Variants in BORCS8 observed in about 807,000 individuals in gnomAD.
The protein encoded by BORCS8 is BLOC-1 related complex subunit 8, also known as BLOC-1-related complex subunit 8.
A neutral mutation model predicts 18.7 loss-of-function variants in BORCS8; 13 were observed. The observed-to-expected ratio is 0.70, with a 90% confidence interval of 0.45 to 1.11. The LOEUF is 1.11. Ranked by LOEUF, BORCS8 falls within the 50% of genes least tolerant of loss-of-function variation. BORCS8 has a pLI of 0.00. For synonymous variants in BORCS8, 68 were observed against 64.8 expected, an observed-to-expected ratio of 1.05 and a Z score of -0.24; for missense variants, 165 against 165.7, an observed-to-expected ratio of 1.00 and a Z score of 0.02.
chr19:19,184,142 A>G lies in BORCS8; in HGVS notation c.216-1459T>C, dbSNP rs377516905. ...GTGATCTGCCCACCTCGGCCTCCCA[A>G]AGTGCTGGGATTACTGGCGTGAGTC... is the stretch of plus-strand genomic sequence containing the variant. On this transcript the variant is annotated intron_variant, in intron 3 of 5. Transcript: ENST00000462790. Among the ~76,000 whole-genome samples, 45 of 151,946 alleles carry G rather than the reference A, an allele frequency of 3.0e-4. No individual in the cohort carries two copies. In the South Asian group the frequency reaches 9.4e-3, roughly 32 times the overall value.
chr19:19,181,820 CA>C (rs1156721620), intron 4 of BORCS8: 2 of 980,294 alleles, frequency 2.0e-6, no homozygotes, highest in African/African-American at 3.5e-5. Flanking sequence ...GCCAGAACCC[CA>C]ATCTGTGGGA....
rs1241817346 is a variant in BORCS8 at position 19,177,689 on chromosome 19, GAAGGAAGAGAAAAGA to G, written c.*43-244_*43-230del. On this transcript the variant is annotated intron_variant, in intron 5 of 5. Coordinates refer to ENST00000462790, the MANE Select transcript of BORCS8 (RefSeq NM_001145784.2). Reference sequence around the variant, plus strand: ...GGAAGGAAGGAAGGAAGGAAGGAAGGAAGGAAGAGAAAAGAAAAGAAAAGAAAAGAAAAGAAAAGA... The same window carrying G: ...GGAAGGAAGGAAGGAAGGAAGGAAGGAAAGAAAAGAAAAGAAAAGAAAAGA... 97 of 57,270 alleles carry G rather than the reference GAAGGAAGAGAAAAGA, an allele frequency of 1.7e-3. 1 individual carries two copies. Among genetic ancestry groups the G allele is most frequent in the Non-Finnish European group, 2.0e-3 (56 of 28,638 alleles). 3.5% of individuals were successfully genotyped at this position (57,270 alleles called of 1,614,324 possible). A position where few individuals can be genotyped will look rare whatever the true frequency, so the allele number is the denominator to read the frequency against.
intron 5 of BORCS8, 107 bp downstream of exon 5, chr19:19,180,579 G>A: frequency 2.5e-6 from 2 of 792,650 alleles, no homozygotes; most frequent in Admixed American, 2.1e-5. Flanking sequence ...CAAGCCCAGT[G>A]AGAAACCCCA....
intron 1 of BORCS8, among the ~76,000 whole-genome samples, chr19:19,189,596 G>A (rs1444484862): frequency 4.6e-5 from 7 of 152,204 alleles, no homozygotes; most frequent in East Asian, 3.9e-4. Context: ...CTCACTGCCC[G>A]AGAGGACAAG....
chr19:19,183,877 G>A (rs890246888), intron 3 of BORCS8, among the ~76,000 whole-genome samples: 1 of 148,914 alleles, frequency 6.7e-6, no homozygotes, highest in African/African-American at 2.5e-5. Flanking sequence ...GCCTCATTTT[G>A]TAATTTTTTT....
Position 19,182,385 on chromosome 19 carries a change from C to T in BORCS8, c.326+188G>A. 1 of 1,391,362 alleles carries T rather than the reference C, an allele frequency of 7.2e-7. No homozygotes were observed. The highest frequency in any genetic ancestry group is 1.5e-5 in the South Asian group (1 of 65,618). 86.2% of individuals were successfully genotyped at this position (1,391,362 alleles called of 1,614,324 possible). A position where few individuals can be genotyped will look rare whatever the true frequency, so the allele number is the denominator to read the frequency against. ...CCAGGGCCAGGCACACAGCAGAGCG[C>T]AGGACCTCGGTATTAAGTGACTGAA... On this transcript the variant is annotated intron_variant, in intron 4 of 5. Transcript: ENST00000462790. The surrounding 1 kb of genome is among the most constrained non-coding windows in gnomAD (Gnocchi z 4.1).
rs556935745 is a variant in BORCS8, at chr19:19,182,771, G to C, written c.216-88C>G. ...GCACTTGAGGTCACCACCAGGGCTCGGTGGGTACCTCAGTGATTCTGCGGG... is the reference window on the plus strand; with the variant it reads ...GCACTTGAGGTCACCACCAGGGCTCCGTGGGTACCTCAGTGATTCTGCGGG... On this transcript the variant is annotated intron_variant, in intron 3 of 5. Coordinates refer to ENST00000462790, the MANE Select transcript of BORCS8 (RefSeq NM_001145784.2). The surrounding 1 kb of genome is among the most constrained non-coding windows in gnomAD (Gnocchi z 4.1). 6.9e-7 allele frequency: 1 copy of C among 1,443,370 alleles called. No homozygotes were observed. Among genetic ancestry groups the C allele is most frequent in the Non-Finnish European group, 9.2e-7 (1 of 1,091,118 alleles). The allele number at this position is 1,443,370 out of a possible 1,614,324, so 89.4% of individuals were successfully genotyped here. A position where few individuals can be genotyped will look rare whatever the true frequency, so the allele number is the denominator to read the frequency against.
intron 1 of BORCS8, among the ~76,000 whole-genome samples, chr19:19,191,738 C>G (rs2146442477): frequency 1.3e-5 from 2 of 152,212 alleles, no homozygotes; most frequent in East Asian, 3.9e-4. Context: ...CGCCACCACG[C>G]CCGGCTAATT....
Position 19,180,758 on chromosome 19 carries a change from C to A in BORCS8, c.330G>T (p.Pro110=). 1 of 1,547,608 alleles carries A rather than the reference C, an allele frequency of 6.5e-7. No individual in the cohort carries two copies. The highest frequency in any genetic ancestry group is 8.7e-7 in the Non-Finnish European group (1 of 1,145,314). The change falls in exon 5 of 6, where the codon CCG becomes CCT. Residue 110 remains proline (P), a synonymous_variant. Coordinates refer to ENST00000462790, the MANE Select transcript of BORCS8 (RefSeq NM_001145784.2). ...CTGAGGAGGGCGGGGGTGGTTCCTC[C>A]GGGCTGCAACAAAACATGTGCAGCA... ...HMNASAQGHS[P]EEPPPPSSA
rs1019803625 is a variant in BORCS8, at chr19:19,183,968, C to A, written c.216-1285G>T. Among the ~76,000 whole-genome samples, 3 of 150,720 alleles carry A rather than the reference C, an allele frequency of 2.0e-5. No individual in the cohort carries two copies. The East Asian group carries it at 5.8e-4, about 29-fold the overall frequency. ...CACAATCTCAGCTCACAGCAACCTC[C>A]GTCTCCCAGGTTCAAGCGATTCTCC... On this transcript the variant is annotated intron_variant, in intron 3 of 5. Coordinates refer to ENST00000462790, the MANE Select transcript of BORCS8 (RefSeq NM_001145784.2).
At chr19:19,191,320 C>CA (rs35108076) in intron 1 of BORCS8, among the ~76,000 whole-genome samples, 6,635 of 137,312 alleles carry the variant, frequency 0.048, 267 homozygotes, top group African/African-American at 0.093. Flanking sequence ...GAGACTCCGT[C>CA]AAAAAAAAAA....
chr19:19,190,941 T>G (rs2060464915), intron 1 of BORCS8, among the ~76,000 whole-genome samples: 1 of 151,640 alleles, frequency 6.6e-6, no homozygotes, highest in Non-Finnish European at 1.5e-5. Flanking sequence ...CCACAAAGTT[T>G]CAAAAAGCAA....
rs1407713053 is a variant in BORCS8 at position 19,182,059 on chromosome 19, C to A, written c.326+514G>T. ...TGGGACAGGGAGAGGCCCCTGCCAT[C>A]TCCCTGGCCCCATCTCCCCCAGCTG... On this transcript the variant is annotated intron_variant, in intron 4 of 5. Transcript: ENST00000462790. The surrounding 1 kb of genome is among the most constrained non-coding windows in gnomAD (Gnocchi z 4.1). 1.0e-6 allele frequency: 1 copy of A among 985,316 alleles called. No individual in the cohort carries two copies. Among genetic ancestry groups the A allele is most frequent in the Non-Finnish European group, 1.2e-6 (1 of 829,940 alleles). The allele number at this position is 985,316 out of a possible 1,614,324, so 61.0% of individuals were successfully genotyped here. A position where few individuals can be genotyped will look rare whatever the true frequency, so the allele number is the denominator to read the frequency against.
Position 19,185,894 on chromosome 19 carries a change from C to T in BORCS8, c.215+140G>A. ...CACCTGGGGCCCTGGCCAAGTGAAT[C>T]GTGGTACAGACCCCATACACCCACT... On this transcript the variant is annotated intron_variant, in intron 3 of 5. Coordinates refer to ENST00000462790, the MANE Select transcript of BORCS8 (RefSeq NM_001145784.2). 5 of 800,868 alleles carry T rather than the reference C, an allele frequency of 6.2e-6. No homozygotes were observed. In the South Asian group the frequency reaches 6.6e-5, roughly 11 times the overall value. 49.6% of individuals were successfully genotyped at this position (800,868 alleles called of 1,614,324 possible).
chr19:19,190,792 TA>T (rs1025229441), intron 1 of BORCS8, among the ~76,000 whole-genome samples: 2 of 148,516 alleles, frequency 1.3e-5, no homozygotes, highest in South Asian at 2.1e-4. Context: ...CCGTCTCAAA[TA>T]AAAAAAAAGA....
At chr19:19,185,513 C>T (rs1019039996) in intron 3 of BORCS8, among the ~76,000 whole-genome samples, 3 of 152,154 alleles carry the variant, frequency 2.0e-5, no homozygotes, top group Admixed American at 1.3e-4. Flanking sequence ...TGGCGAAACC[C>T]CATCTCTGCT....
At chr19:19,183,776 G>A (rs1044839581) in intron 3 of BORCS8, among the ~76,000 whole-genome samples, 9 of 149,986 alleles carry the variant, frequency 6.0e-5, no homozygotes, top group Non-Finnish European at 1.2e-4. Context: ...GTACATGTTG[G>A]TCAGGCTGGT....
At chr19:19,189,923 A>T (rs2060449297) in intron 1 of BORCS8, among the ~76,000 whole-genome samples, 1 of 151,994 alleles carries the variant, frequency 6.6e-6, no homozygotes, top group South Asian at 2.1e-4. Context: ...TCCCAAAAAA[A>T]AAAAAATTAA....
At chr19:19,181,970 T>C in intron 4 of BORCS8, 3 of 985,480 alleles carry the variant, frequency 3.0e-6, no homozygotes, top group Non-Finnish European at 3.6e-6. Flanking sequence ...GTTCAAGGAC[T>C]GTGAGTGCTT....
Sources: allele counts gnomAD v4.1 joint callset (sites outside exome capture counted in the v4.1 genomes callset), GRCh38; gene constraint gnomAD v4.1.1; non-coding constraint Gnocchi (gnomAD v3.1); transcripts MANE v1.5; gene names NCBI Gene and HGNC (gene_info 2026-07-23, HGNC 2026-07-21).